Variants in DOCK9 observed in about 807,000 individuals in gnomAD.
DOCK9 encodes the protein dedicator of cytokinesis 9.
Under a neutral mutation model 263.3 loss-of-function variants are expected in DOCK9, and 89 were observed. The observed-to-expected ratio is 0.34, with a 90% confidence interval of 0.28 to 0.40. DOCK9 has a LOEUF of 0.40. DOCK9 is among the 10% of genes least tolerant of loss of function. The pLI is 1.00. For synonymous variants in DOCK9, 976 were observed against 973.1 expected, an observed-to-expected ratio of 1.00 and a Z score of -0.06; for missense variants, 2,140 against 2,603.4, an observed-to-expected ratio of 0.82 and a Z score of 3.87.
chr13:99,052,979 G>C (rs2040769936), intron 1 of DOCK9, among the ~76,000 whole-genome samples: 1 of 152,062 alleles, frequency 6.6e-6, no homozygotes. Flanking sequence ...CTAATGGTAG[G>C]TTTTTCAGGC....
intron 1 of DOCK9, among the ~76,000 whole-genome samples, chr13:99,043,703 A>G (rs1888691217): frequency 6.6e-6 from 1 of 152,200 alleles, no homozygotes; most frequent in Non-Finnish European, 1.5e-5. Flanking sequence ...CAGAAGGAAC[A>G]TGGGGTCTAA....
chr13:98,984,806 C>CA (rs1178067948), intron 1 of DOCK9, among the ~76,000 whole-genome samples: 1 of 151,830 alleles, frequency 6.6e-6, no homozygotes, highest in African/African-American at 2.4e-5. Context: ...GGACTTACAC[C>CA]AAAAAAATCT....
intron 27 of DOCK9, among the ~76,000 whole-genome samples, chr13:98,878,250 T>A (rs2044176503): frequency 6.6e-6 from 1 of 152,234 alleles, no homozygotes; most frequent in African/African-American, 2.4e-5. Context: ...AGCCACCCAG[T>A]CTGTGGTACT....
Position 98,923,291 on chromosome 13 carries a change from A to G in DOCK9, c.486+11T>C. On this transcript the variant is annotated intron_variant, in intron 5 of 52. Coordinates refer to ENST00000682017, the MANE Select transcript of DOCK9 (RefSeq NM_001366683.2). ...AGTGAAAAGAGAAGCAACAGCAAGCAGGTATCCCACCTCATCTTTGTCGAC... is the reference window on the plus strand; with the variant it reads ...AGTGAAAAGAGAAGCAACAGCAAGCGGGTATCCCACCTCATCTTTGTCGAC... 1 of 1,611,488 alleles carries G rather than the reference A, an allele frequency of 6.2e-7. No individual in the cohort carries two copies. The highest frequency in any genetic ancestry group is 8.5e-7 in the Non-Finnish European group (1 of 1,177,676).
intron 44 of DOCK9, among the ~76,000 whole-genome samples, chr13:98,824,929 T>A (rs549277775): frequency 2.6e-4 from 40 of 152,338 alleles, no homozygotes; most frequent in African/African-American, 9.4e-4. Context: ...TCCTTCAAGC[T>A]GTCACCTCAC....
rs982307926 is a variant in DOCK9, at chr13:98,793,925, T to C, written c.*701A>G. ...ATATATGTACAGAATGCCAGGACTG[T>C]ATTAACAATGATATGTACATAACAA... On this transcript the variant is annotated 3_prime_UTR_variant, in exon 53 of 53. Coordinates refer to ENST00000682017, the MANE Select transcript of DOCK9 (RefSeq NM_001366683.2). 5.2e-5 allele frequency: 8 copies of C among 152,644 alleles called. No individual in the cohort carries two copies. The highest frequency in any genetic ancestry group is 1.5e-5 in the Non-Finnish European group (1 of 68,040). 9.5% of individuals were successfully genotyped at this position (152,644 alleles called of 1,614,324 possible).
chr13:99,006,328 A>G (rs1337867359), intron 1 of DOCK9, among the ~76,000 whole-genome samples: 1 of 152,230 alleles, frequency 6.6e-6, no homozygotes, highest in East Asian at 1.9e-4. Context: ...GCCTTTAAAA[A>G]ATTCATTCTT....
chr13:98,835,508 C>T (rs184938093), intron 39 of DOCK9, among the ~76,000 whole-genome samples: 1 of 152,180 alleles, frequency 6.6e-6, no homozygotes, highest in Non-Finnish European at 1.5e-5. Flanking sequence ...TGCATGCAGG[C>T]ATATAAACCT....
At chr13:98,823,634 A>G (rs2092395554) in intron 45 of DOCK9, among the ~76,000 whole-genome samples, 1 of 152,192 alleles carries the variant, frequency 6.6e-6, no homozygotes, top group South Asian at 2.1e-4. Flanking sequence ...GGCTGAAGGG[A>G]GGCAGGTACA....
chr13:98,846,489 A>T lies in DOCK9; in HGVS notation c.4062-429T>A, dbSNP rs997352049. ...AGAGAACAAACATGCAAAGGAAGGG[A>T]TTATATGAGTTTTAACACCTTTATT... On this transcript the variant is annotated intron_variant, in intron 37 of 52. Transcript: ENST00000682017. 4 of 1,342,312 alleles carry T rather than the reference A, an allele frequency of 3.0e-6. 1 individual carries two copies. Among genetic ancestry groups the T allele is most frequent in the Admixed American group, 3.8e-5 (2 of 52,534 alleles). The allele number at this position is 1,342,312 out of a possible 1,614,324, so 83.2% of individuals were successfully genotyped here. A position where few individuals can be genotyped will look rare whatever the true frequency, so the allele number is the denominator to read the frequency against.
At chr13:99,028,984 C>T (rs1248949297) in intron 1 of DOCK9, among the ~76,000 whole-genome samples, 3 of 152,196 alleles carry the variant, frequency 2.0e-5, no homozygotes, top group South Asian at 4.1e-4. Context: ...AACTCTGAAA[C>T]CATATTTCTG....
In DOCK9 at chr13:98,955,555, G is replaced by C. The variant is rs1179483678; in HGVS notation, c.127-4C>G. 4 of 1,574,386 alleles carry C rather than the reference G, an allele frequency of 2.5e-6. No homozygotes were observed. Among genetic ancestry groups the C allele is most frequent in the African/African-American group, 2.7e-5 (2 of 74,216 alleles). ...GCTCAATTAGCTTTGGCTTTGCCTG[G>C]AGGGCGAAAAGATAAGCAAGACATT... On this transcript the variant is annotated splice_region_variant and splice_polypyrimidine_tract_variant and intron_variant, in intron 1 of 52. Coordinates refer to ENST00000682017, the MANE Select transcript of DOCK9 (RefSeq NM_001366683.2).
In DOCK9 at chr13:98,921,228, G is replaced by A. The variant is rs968748192; in HGVS notation, c.583-140C>T. The A allele has an allele frequency of 9.6e-6, 8 of 833,696 alleles. No homozygotes were observed. The African/African-American group carries it at 1.2e-4, about 13-fold the overall frequency. 51.6% of individuals were successfully genotyped at this position (833,696 alleles called of 1,614,324 possible). On this transcript the variant is annotated intron_variant, in intron 6 of 52. Transcript: ENST00000682017. ...AGCTGATGCTCCAGGTCACTGTGGG[G>A]TCAAGACTCCCCATCCCATCTAAGA...
chr13:98,794,757 C>A lies in DOCK9; in HGVS notation c.6157-9G>T, dbSNP rs754502168. ...TCCTCCAGGGGGCAGATCTTGAGGA[C>A]AGAAACACAACGTTACTGAGGGCAA... On this transcript the variant is annotated splice_polypyrimidine_tract_variant and intron_variant, in intron 52 of 52. Transcript: ENST00000682017. The A allele has an allele frequency of 6.2e-7, 1 of 1,613,680 alleles. No homozygotes were observed.
In DOCK9 at chr13:98,996,141, A is replaced by G. The variant is rs144246484; in HGVS notation, c.130-40590T>C. ...ACTGGGATGAGGTATAGGCCTTCAGATGCAAACAGAGATGACCACATATAG... is the reference window on the plus strand; with the variant it reads ...ACTGGGATGAGGTATAGGCCTTCAGGTGCAAACAGAGATGACCACATATAG... On this transcript the variant is annotated intron_variant, in intron 1 of 32. Transcript: ENST00000427887. Among the ~76,000 whole-genome samples, 147 of 152,316 alleles carry G rather than the reference A, an allele frequency of 9.7e-4. 2 individuals carry two copies. Among genetic ancestry groups the G allele is most frequent in the African/African-American group, 3.5e-3 (145 of 41,570 alleles).
Position 98,881,904 on chromosome 13 carries a change from A to G in DOCK9, c.2663T>C (p.Val888Ala). 6.3e-7 allele frequency: 1 copy of G among 1,579,286 alleles called. No individual in the cohort carries two copies. Among genetic ancestry groups the G allele is most frequent in the Non-Finnish European group, 8.6e-7 (1 of 1,161,976 alleles). Residue 888 changes from valine to alanine, a missense_variant, in exon 24 of 53, where the codon GTT becomes GCT. Coordinates refer to ENST00000682017, the MANE Select transcript of DOCK9 (RefSeq NM_001366683.2). ...LTRATQEEVA[V>A]NVTRVIIHVV... ...CCACCTCCCTTACCGAGTCACGTTAACCGCGACTTCTTCCTGTGTGGCTCT... is the reference window on the plus strand; with the variant it reads ...CCACCTCCCTTACCGAGTCACGTTAGCCGCGACTTCTTCCTGTGTGGCTCT...
At chr13:98,891,317 G>A (rs1274347869) in intron 15 of DOCK9, among the ~76,000 whole-genome samples, 2 of 152,160 alleles carry the variant, frequency 1.3e-5, no homozygotes, top group African/African-American at 4.8e-5. Context: ...CACCTCTTCA[G>A]TGGAGGAATT....
In DOCK9 at chr13:98,940,853, C is replaced by A. The variant is rs140612943; in HGVS notation, c.244-10596G>T. Among the ~76,000 whole-genome samples the A allele has an allele frequency of 1.6e-3, 240 of 152,228 alleles. 1 individual carries two copies. The highest frequency in any genetic ancestry group is 3.0e-3 in the Non-Finnish European group (203 of 68,004). On this transcript the variant is annotated intron_variant, in intron 2 of 52. Coordinates refer to ENST00000682017, the MANE Select transcript of DOCK9 (RefSeq NM_001366683.2). The stretch of plus-strand genomic sequence containing the variant: ...GTAGGCCCACCTTCCCTCCATCATC[C>A]CTCTTATCTATTCTCTGCACACCTG...
In DOCK9 at chr13:98,977,713, C is replaced by G; in HGVS notation, c.126+71G>C. 5 of 1,475,078 alleles carry G rather than the reference C, an allele frequency of 3.4e-6. No individual in the cohort carries two copies. The South Asian group carries it at 6.5e-5, about 19-fold the overall frequency. 91.4% of individuals were successfully genotyped at this position (1,475,078 alleles called of 1,614,324 possible). ...ATCAAAGACAGGCAACAGGCGTCAA[C>G]CCCGTCCACACGCACAATAAGAACC... On this transcript the variant is annotated intron_variant, in intron 1 of 52. Transcript: ENST00000682017.
Sources: gnomAD v4.1 joint callset for allele counts (sites outside exome capture counted in the v4.1 genomes callset) on GRCh38, gnomAD v4.1.1 for gene constraint, MANE v1.5 for transcripts, NCBI Gene and HGNC (gene_info 2026-07-23, HGNC 2026-07-21) for gene names.